The following TBC1D31 variants were observed in gnomAD, a reference collection of about 807,000 sequenced individuals.
TBC1D31 encodes the protein WD repeat domain 67.
A neutral mutation model predicts 132.9 loss-of-function variants in TBC1D31; 99 were observed. The observed-to-expected ratio is 0.74, with a 90% CI of 0.63 to 0.88. TBC1D31 has a LOEUF of 0.88. TBC1D31 is among the 40% of genes least tolerant of loss of function. The pLI, the probability that TBC1D31 is intolerant of heterozygous loss-of-function variation, is 0.00. For synonymous variants in TBC1D31, 385 were observed against 419.4 expected (o/e 0.92, Z 1.00); for missense variants, 1,134 against 1,256.6 (o/e 0.90, Z 1.48).
At chr8:123,162,562 T>C in the TBC1D31 span, among the ~76,000 whole-genome samples, 3 of 152,272 alleles carry the variant, frequency 2.0e-5, no homozygotes, top group South Asian at 6.2e-4. Context: ...TGGGTCTGGC[T>C]GTCAAGAGAA....
intron 14 of TBC1D31, among the ~76,000 whole-genome samples, chr8:123,128,803 G>A (rs1820345070): frequency 6.6e-6 from 1 of 151,964 alleles, no homozygotes; most frequent in Admixed American, 6.6e-5. Context: ...TTGAACCCAG[G>A]AGGAGGAGGT....
intron 16 of TBC1D31, among the ~76,000 whole-genome samples, chr8:123,130,545 A>G (rs1260811230): frequency 3.3e-5 from 5 of 152,142 alleles, no homozygotes; most frequent in East Asian, 3.8e-4. Context: ...AAATTAGTCA[A>G]GTGTCCTTGG....
intron 1 of TBC1D31, chr8:123,075,137 T>C (rs1814365289): frequency 6.6e-6 from 1 of 152,228 alleles, no homozygotes; most frequent in Non-Finnish European, 1.5e-5. Flanking sequence ...ATAAGTGTTC[T>C]AGAAAATAAG....
chr8:123,092,154 A>T (rs1295454367), intron 4 of TBC1D31, among the ~76,000 whole-genome samples: 1 of 152,074 alleles, frequency 6.6e-6, no homozygotes, highest in African/African-American at 2.4e-5. Context: ...AGCTGGGATT[A>T]CAGGCGTCTG....
intron 4 of TBC1D31, among the ~76,000 whole-genome samples, chr8:123,086,367 C>A (rs560316055): frequency 1.2e-4 from 18 of 152,310 alleles, no homozygotes; most frequent in African/African-American, 3.6e-4. Context: ...ATGAAGTAGG[C>A]AGTGTTTATT....
chr8:123,116,677 A>G (rs1431348466), intron 10 of TBC1D31, among the ~76,000 whole-genome samples: 1 of 152,126 alleles, frequency 6.6e-6, no homozygotes, highest in Non-Finnish European at 1.5e-5. Context: ...AAAATACAAG[A>G]TGAACCTGAA....
At chr8:123,121,474 T>C (rs1460477324) in intron 11 of TBC1D31, among the ~76,000 whole-genome samples, 3 of 152,154 alleles carry the variant, frequency 2.0e-5, no homozygotes, top group Admixed American at 6.5e-5. Flanking sequence ...TGGGAGGTAT[T>C]GGACCATGAG....
At chr8:123,076,431 G>C (rs185749838) in intron 1 of TBC1D31, among the ~76,000 whole-genome samples, 4 of 152,074 alleles carry the variant, frequency 2.6e-5, no homozygotes, top group African/African-American at 9.6e-5. Flanking sequence ...CATTACATAT[G>C]TGTCTCCAGA....
the TBC1D31 span, among the ~76,000 whole-genome samples, chr8:123,157,286 T>G: frequency 6.6e-6 from 1 of 152,222 alleles, no homozygotes; most frequent in Non-Finnish European, 1.5e-5. Context: ...ACGCGCTACC[T>G]ACTGCGCTAA....
intron 2 of TBC1D31, among the ~76,000 whole-genome samples, chr8:123,081,870 G>A (rs138212165): frequency 0.018 from 1,633 of 88,900 alleles, 29 homozygotes; most frequent in African/African-American, 0.061. Context: ...TCTCCCACTG[G>A]GCCCCTCCCA....
At position 123,097,296 on chromosome 8, in the gene TBC1D31, T is replaced by C. The variant is rs769791988; in HGVS notation, c.686T>C (p.Leu229Pro). Residue 229 changes from leucine (L) to proline (P), a missense_variant, in exon 6 of 22, where the codon CTG becomes CCG. Leu to Pro is a moderately conservative substitution (Grantham distance 98). Transcript: ENST00000287380. ...TGTTTATATAGAGATGGCCGAATCC[T>C]GGCTGCTGGAGGCAAGTCAAATCAT... ...VFAVTRDGRI[L>P]AAGGKSNHLH... The C allele has an allele frequency of 3.1e-6, 5 of 1,614,058 alleles. No homozygotes were observed. The African/African-American group carries it at 4.0e-5, about 13-fold the overall frequency.
chr8:123,081,857 T>G (rs1815187883), intron 2 of TBC1D31, among the ~76,000 whole-genome samples: 1 of 134,026 alleles, frequency 7.5e-6, no homozygotes, highest in African/African-American at 2.8e-5. Context: ...CGTGATTCAA[T>G]TATCTCCCAC....
chr8:123,126,366 G>T, intron 12 of TBC1D31, 142 bp from the exon 13 acceptor site: 1 of 1,148,430 alleles, frequency 8.7e-7, no homozygotes, highest in Non-Finnish European at 1.2e-6. Flanking sequence ...TGTAAAGAAG[G>T]GTCCAAATTA....
At chr8:123,133,870 G>A (rs1820840373) in intron 16 of TBC1D31, among the ~76,000 whole-genome samples, 1 of 152,132 alleles carries the variant, frequency 6.6e-6, no homozygotes, top group Admixed American at 6.6e-5. Flanking sequence ...TGTTCTTCCA[G>A]TCTGAGTAGA....
intron 10 of TBC1D31, among the ~76,000 whole-genome samples, chr8:123,119,003 T>C (rs7004882): frequency 0.011 from 1,674 of 152,334 alleles, 32 homozygotes; most frequent in African/African-American, 0.038. Context: ...TGGGATTACA[T>C]GCATGAGTCA....
intron 5 of TBC1D31, among the ~76,000 whole-genome samples, chr8:123,095,965 A>T (rs1172810016): frequency 1.3e-5 from 2 of 152,004 alleles, no homozygotes; most frequent in Non-Finnish European, 2.9e-5. Context: ...CATCAACTCA[A>T]CCAAACCATA....
the TBC1D31 span, among the ~76,000 whole-genome samples, chr8:123,160,863 T>C: frequency 2.0e-5 from 3 of 152,222 alleles, no homozygotes; most frequent in African/African-American, 7.2e-5. Context: ...CAAGACCTTC[T>C]GAGCCTTCGA....
intron 16 of TBC1D31, among the ~76,000 whole-genome samples, chr8:123,131,765 GT>G (rs35137652): frequency 7.5e-4 from 60 of 79,646 alleles, no homozygotes; most frequent in African/African-American, 2.8e-3. Context: ...AGTTTCAGCT[GT>G]TTTAAGTCTG....
At chr8:123,124,885 C>T (rs896471783) in intron 11 of TBC1D31, among the ~76,000 whole-genome samples, 7 of 147,262 alleles carry the variant, frequency 4.8e-5, no homozygotes, top group African/African-American at 1.8e-4. Flanking sequence ...TGCAATGAGC[C>T]GAGATCGCGC....
Sources: allele counts gnomAD v4.1 joint callset (sites outside exome capture counted in the v4.1 genomes callset), GRCh38; gene constraint gnomAD v4.1.1; transcripts MANE v1.5; gene names NCBI Gene and HGNC (gene_info 2026-07-23, HGNC 2026-07-21).